IFFO2: variants seen among roughly 807,000 people sequenced by gnomAD.
The protein encoded by IFFO2 is intermediate filament family orphan 2.
A neutral mutation model predicts 53.5 loss-of-function variants in IFFO2; 19 were observed. The observed-to-expected ratio is 0.36, with a 90% CI of 0.25 to 0.52. IFFO2 has a LOEUF of 0.52. Ranked by LOEUF, IFFO2 falls within the 20% of genes least tolerant of loss-of-function variation. The pLI, the probability that IFFO2 is intolerant of heterozygous loss-of-function variation, is 0.94. For missense variants in IFFO2, 570 were observed against 727.4 expected, an observed-to-expected ratio of 0.78 and a Z score of 2.49; for synonymous variants, 303 against 313.6, an observed-to-expected ratio of 0.97 and a Z score of 0.36.
At position 18,955,517 on chromosome 1, in the gene IFFO2, C is replaced by T. The variant is rs1334815976; in HGVS notation, c.665+151G>A. 7.3e-6 allele frequency: 9 copies of T among 1,235,810 alleles called. No homozygotes were observed. In the Admixed American group the frequency reaches 1.9e-4, roughly 26 times the overall value. The allele number at this position is 1,235,810 out of a possible 1,614,324, so 76.6% of individuals were successfully genotyped here. On this transcript the variant is annotated intron_variant, in intron 1 of 8. Coordinates refer to ENST00000455833, the MANE Select transcript of IFFO2 (RefSeq NM_001136265.2). ...CCTGGGATCTAGATAACTGGGCCTTCCTGGCGTACGTAAGACGCTCTGCAA... is the reference window on the plus strand; with the variant it reads ...CCTGGGATCTAGATAACTGGGCCTTTCTGGCGTACGTAAGACGCTCTGCAA...
At chr1:18,912,711 A>G (rs1212610154) in intron 5 of IFFO2, among the ~76,000 whole-genome samples, 1 of 152,150 alleles carries the variant, frequency 6.6e-6, no homozygotes, top group African/African-American at 2.4e-5. Flanking sequence ...CCTCAAAACA[A>G]TCCTATGAGG....
At chr1:18,926,001 T>TGGA (rs1557643264) in intron 1 of IFFO2, among the ~76,000 whole-genome samples, 11 of 11,544 alleles carry the variant, frequency 9.5e-4, no homozygotes, top group African/African-American at 3.6e-3. Flanking sequence ...GATGGATGGA[T>TGGA]TGGTTGGATG....
Position 18,956,549 on chromosome 1 carries a change from C to T in IFFO2, c.-217G>A, listed in dbSNP as rs1569874852. On this transcript the variant is annotated 5_prime_UTR_variant, in exon 1 of 9. Coordinates refer to ENST00000455833, the MANE Select transcript of IFFO2 (RefSeq NM_001136265.2). This position sits in a 1 kb window ranked among gnomAD's most constrained non-coding sequence, Gnocchi z 6.4. ...GGCGAGAGAGGGCACTCGGCCGCTCCTCGGGACGCGGTGGAGGCCGCGGTA... is the reference window on the plus strand; with the variant it reads ...GGCGAGAGAGGGCACTCGGCCGCTCTTCGGGACGCGGTGGAGGCCGCGGTA... 1 of 156,538 alleles carries T rather than the reference C, an allele frequency of 6.4e-6. No homozygotes were observed. The highest frequency in any genetic ancestry group is 6.5e-5 in the Admixed American group (1 of 15,436). The allele number at this position is 156,538 out of a possible 1,614,324, so 9.7% of individuals were successfully genotyped here.
intron 1 of IFFO2, among the ~76,000 whole-genome samples, chr1:18,954,361 C>A (rs1397652747): frequency 1.3e-5 from 2 of 152,254 alleles, no homozygotes; most frequent in Non-Finnish European, 2.9e-5. Context: ...AGCAAACAGG[C>A]TTTCAAGTGA....
intron 1 of IFFO2, among the ~76,000 whole-genome samples, chr1:18,954,118 C>T (rs1007750010): frequency 7.2e-5 from 11 of 152,206 alleles, no homozygotes; most frequent in Non-Finnish European, 1.5e-5. Context: ...AAACAGGTAA[C>T]CCAGGAGAGA....
intron 1 of IFFO2, among the ~76,000 whole-genome samples, chr1:18,944,379 G>A (rs1047805307): frequency 3.3e-5 from 5 of 152,116 alleles, no homozygotes; most frequent in Non-Finnish European, 7.4e-5. Context: ...CAGGGCGATC[G>A]GGGGCCGGGG....
rs1038116009 is a variant in IFFO2 at position 18,955,592 on chromosome 1, T to G, written c.665+76A>C. On this transcript the variant is annotated intron_variant, in intron 1 of 8. Transcript: ENST00000455833. The stretch of plus-strand genomic sequence containing the variant: ...GTACCAGCTGCCCGCCCGGCCCCCG[T>G]CCCGCATACGCATTCCGCGGCAGCC... 19 of 1,477,410 alleles carry G rather than the reference T, an allele frequency of 1.3e-5. No individual in the cohort carries two copies. In the East Asian group the frequency reaches 3.4e-4, roughly 27 times the overall value. The allele number at this position is 1,477,410 out of a possible 1,614,324, so 91.5% of individuals were successfully genotyped here.
chr1:18,926,062 A>T (rs57502443), intron 1 of IFFO2, among the ~76,000 whole-genome samples: 226 of 55,540 alleles, frequency 4.1e-3, no homozygotes, highest in African/African-American at 9.7e-3. Flanking sequence ...GATTGGTTGG[A>T]TGGATGGATG....
chr1:18,930,141 T>C (rs1936355484), intron 1 of IFFO2, among the ~76,000 whole-genome samples: 1 of 152,200 alleles, frequency 6.6e-6, no homozygotes, highest in South Asian at 2.1e-4. Flanking sequence ...GCCTTGGTAA[T>C]ACCTCCCAGC....
intron 1 of IFFO2, among the ~76,000 whole-genome samples, chr1:18,943,807 GTC>G (rs1034318680): frequency 2.0e-5 from 3 of 152,208 alleles, no homozygotes; most frequent in African/African-American, 4.8e-5. Flanking sequence ...AACCTCAGAT[GTC>G]TCTTTTGTAG....
rs1936146372 is a variant in IFFO2 at position 18,917,242 on chromosome 1, G to A, written c.964-200C>T. On this transcript the variant is annotated intron_variant, in intron 4 of 8. Transcript: ENST00000455833. This position sits in a 1 kb window ranked among gnomAD's most constrained non-coding sequence, Gnocchi z 5.9. ...GGTGGGAGACATGCAGGGGGACACA[G>A]ACGGCCTGGACTCTTCCCTGCCCTG... 6.6e-6 allele frequency among the ~76,000 whole-genome samples: 1 copy of A among 152,208 alleles called. No homozygotes were observed. The highest frequency in any genetic ancestry group is 2.1e-4 in the South Asian group (1 of 4,836).
At chr1:18,913,082 T>TCC (rs1182788920) in intron 5 of IFFO2, among the ~76,000 whole-genome samples, 2 of 152,222 alleles carry the variant, frequency 1.3e-5, no homozygotes, top group Admixed American at 6.5e-5. Flanking sequence ...CCCAGGGCTC[T>TCC]CCCCATTGCC....
At chr1:18,949,950 G>A (rs1165454098) in intron 1 of IFFO2, among the ~76,000 whole-genome samples, 1 of 152,230 alleles carries the variant, frequency 6.6e-6, no homozygotes, top group African/African-American at 2.4e-5. Flanking sequence ...TTTCTTTTCT[G>A]GGACCTCATT....
At chr1:18,934,818 A>G (rs1209928827) in intron 1 of IFFO2, among the ~76,000 whole-genome samples, 1 of 152,242 alleles carries the variant, frequency 6.6e-6, no homozygotes, top group Non-Finnish European at 1.5e-5. Flanking sequence ...CCTCCCGAGC[A>G]GGTGACACAG....
At chr1:18,940,213 G>A (rs1292385991) in intron 1 of IFFO2, among the ~76,000 whole-genome samples, 1 of 152,228 alleles carries the variant, frequency 6.6e-6, no homozygotes, top group African/African-American at 2.4e-5. Flanking sequence ...AAACAGCAGA[G>A]GAGGAAGAGC....
At chr1:18,937,196 C>A (rs1022657845) in intron 1 of IFFO2, among the ~76,000 whole-genome samples, 4 of 152,120 alleles carry the variant, frequency 2.6e-5, no homozygotes, top group Non-Finnish European at 5.9e-5. Context: ...TGACAAGGAC[C>A]CAGCTAACAA....
chr1:18,940,816 C>T (rs1172650831), intron 1 of IFFO2, among the ~76,000 whole-genome samples: 1 of 152,174 alleles, frequency 6.6e-6, no homozygotes, highest in African/African-American at 2.4e-5. Context: ...CCTAAACATG[C>T]AGATACAAAT....
chr1:18,913,710 G>C (rs958480149), intron 5 of IFFO2, among the ~76,000 whole-genome samples: 1 of 152,246 alleles, frequency 6.6e-6, no homozygotes, highest in Non-Finnish European at 1.5e-5. Flanking sequence ...ATGTCCATGG[G>C]AAAGGCCCAG....
chr1:18,948,532 G>C (rs979006422), intron 1 of IFFO2, among the ~76,000 whole-genome samples: 1 of 152,202 alleles, frequency 6.6e-6, no homozygotes, highest in Admixed American at 6.5e-5. Context: ...ACCCTCTCTT[G>C]TACCAGGTCT....
Sources: gnomAD v4.1 joint callset for allele counts (sites outside exome capture counted in the v4.1 genomes callset) on GRCh38, gnomAD v4.1.1 for gene constraint, Gnocchi (gnomAD v3.1) non-coding constraint, MANE v1.5 for transcripts, NCBI Gene and HGNC (gene_info 2026-07-23, HGNC 2026-07-21) for gene names.